Variants in PCDHGA8 observed in about 807,000 individuals in gnomAD.
The protein encoded by PCDHGA8 is protocadherin gamma-A8.
A neutral mutation model predicts 59.2 loss-of-function variants in PCDHGA8; 45 were observed. The observed-to-expected ratio is 0.76, with a 90% CI of 0.60 to 0.98. The LOEUF is 0.98. Ranked by LOEUF, PCDHGA8 falls within the 50% of genes least tolerant of loss-of-function variation. The pLI, the probability that PCDHGA8 is intolerant of heterozygous loss-of-function variation, is 0.00. For synonymous variants in PCDHGA8, 531 were observed against 519.0 expected (o/e 1.02, Z -0.32); for missense variants, 1,257 against 1,196.2 (o/e 1.05, Z -0.75).
Position 141,427,844 on chromosome 5 carries a change from C to A in PCDHGA8, c.2424+32607C>A, listed in dbSNP as rs997069058. 6.5e-6 allele frequency: 10 copies of A among 1,550,194 alleles called. No homozygotes were observed. In the East Asian group the frequency reaches 2.2e-4, roughly 35 times the overall value. On this transcript the variant is annotated intron_variant, in intron 1 of 3. Transcript: ENST00000398604. ...TGGTCGCGCAGCGTGCCTTCGACCA[C>A]GAGCAGCTGTGCGCCTTCGAGCTCA...
intron 1 of PCDHGA8, chr5:141,415,772 T>TTTA (rs1561760673): frequency 5.3e-6 from 7 of 1,332,980 alleles, no homozygotes; most frequent in Non-Finnish European, 6.7e-6. Flanking sequence ...TTTTTTTTTT[T>TTTA]ACTTTCTGGT....
In PCDHGA8 at chr5:141,493,668, GC is replaced by G. The variant is rs1178535601; in HGVS notation, c.2425-1135del. On this transcript the variant is annotated intron_variant, in intron 1 of 3. Coordinates refer to ENST00000398604, the MANE Select transcript of PCDHGA8 (RefSeq NM_032088.2). This position sits in a 1 kb window ranked among gnomAD's most constrained non-coding sequence, Gnocchi z 4.3. ...CATCCCTGTGCCCTTCTCCATGGCAGCCCCAGAATGGTGCTGGTGACTCCCG... is the reference window on the plus strand; with the variant it reads ...CATCCCTGTGCCCTTCTCCATGGCAGCCCAGAATGGTGCTGGTGACTCCCG... Among the ~76,000 whole-genome samples the G allele has an allele frequency of 6.6e-6, 1 of 152,140 alleles. No individual in the cohort carries two copies. The highest frequency in any genetic ancestry group is 2.4e-5 in the African/African-American group (1 of 41,422).
chr5:141,419,551 C>T lies in PCDHGA8; in HGVS notation c.2424+24314C>T, dbSNP rs772468979. Reference sequence around the variant, plus strand: ...ACGACAACGCACCGCGGGTGCTGTACCCTGCGCTGGGTCCCGACGGCTCCG... The same window carrying T: ...ACGACAACGCACCGCGGGTGCTGTATCCTGCGCTGGGTCCCGACGGCTCCG... On this transcript the variant is annotated intron_variant, in intron 1 of 3. Transcript: ENST00000398604. 7 of 1,611,916 alleles carry T rather than the reference C, an allele frequency of 4.3e-6. No individual in the cohort carries two copies. The Admixed American group carries it at 1.2e-4, about 27-fold the overall frequency.
In PCDHGA8 at chr5:141,511,351, C is replaced by A. The variant is rs1190324197; in HGVS notation, c.*178C>A. 11 of 1,386,432 alleles carry A rather than the reference C, an allele frequency of 7.9e-6. No individual in the cohort carries two copies. Among genetic ancestry groups the A allele is most frequent in the South Asian group, 4.5e-5 (3 of 67,158 alleles). The allele number at this position is 1,386,432 out of a possible 1,614,324, so 85.9% of individuals were successfully genotyped here. On this transcript the variant is annotated 3_prime_UTR_variant, in exon 4 of 4. Transcript: ENST00000398604. ...CCAGTCAGCACCTACCCCTTCCCCC[C>A]CAGGGGGTTGAATATGCAAAAGCAG...
At position 141,432,644 on chromosome 5, in the gene PCDHGA8, G is replaced by A; in HGVS notation, c.2424+37407G>A. The A allele has an allele frequency of 1.2e-6, 2 of 1,613,812 alleles. No homozygotes were observed. The highest frequency in any genetic ancestry group is 1.7e-6 in the Non-Finnish European group (2 of 1,179,942). ...TCTGCACACGGGCGAGGTGCGCACG[G>A]CGCGAGCCCTGCTGGACAGAGACGC... On this transcript the variant is annotated intron_variant, in intron 1 of 3. Coordinates refer to ENST00000398604, the MANE Select transcript of PCDHGA8 (RefSeq NM_032088.2). The surrounding 1 kb of genome is among the most constrained non-coding windows in gnomAD (Gnocchi z 6.0).
chr5:141,485,543 G>C lies in PCDHGA8; in HGVS notation c.2425-9264G>C. 1.9e-6 allele frequency: 3 copies of C among 1,614,092 alleles called. No homozygotes were observed. The highest frequency in any genetic ancestry group is 2.5e-6 in the Non-Finnish European group (3 of 1,179,972). On this transcript the variant is annotated intron_variant, in intron 1 of 3. Coordinates refer to ENST00000398604, the MANE Select transcript of PCDHGA8 (RefSeq NM_032088.2). This position sits in a 1 kb window ranked among gnomAD's most constrained non-coding sequence, Gnocchi z 5.7. Reference sequence around the variant, plus strand: ...AATGTACCGAGCAGAGGTAGAGATCGTAGATGTGAATGATCACGCCCCCCG... The same window carrying C: ...AATGTACCGAGCAGAGGTAGAGATCCTAGATGTGAATGATCACGCCCCCCG...
Position 141,511,225 on chromosome 5 carries a change from C to A in PCDHGA8, c.*52C>A. ...GGCGGCCTCTCCCCAACCAGCCCAG[C>A]TTCTCCTTACCTGCACCCAGGCCTC... On this transcript the variant is annotated 3_prime_UTR_variant, in exon 4 of 4. Transcript: ENST00000398604. The A allele has an allele frequency of 6.2e-7, 1 of 1,601,624 alleles. No individual in the cohort carries two copies. Among genetic ancestry groups the A allele is most frequent in the Non-Finnish European group, 8.5e-7 (1 of 1,174,162 alleles).
chr5:141,430,578 C>A (rs1561846151), intron 1 of PCDHGA8: 8 of 470,816 alleles, frequency 1.7e-5, no homozygotes, highest in East Asian at 1.0e-4. Flanking sequence ...AGCGGAGATC[C>A]TGCTCGCCTT....
chr5:141,395,559 T>TA (rs2093276349), intron 1 of PCDHGA8: 2 of 220,962 alleles, frequency 9.1e-6, no homozygotes, highest in Admixed American at 1.1e-4. Flanking sequence ...TGTGTGTGTG[T>TA]GTGTGTGTGT....
chr5:141,421,353 G>T, intron 1 of PCDHGA8: 1 of 1,613,998 alleles, frequency 6.2e-7, no homozygotes, highest in Non-Finnish European at 8.5e-7. Context: ...AGACCGAAAA[G>T]GGCTCCTTCG....
chr5:141,500,184 T>TTTTA (rs58019021), intron 2 of PCDHGA8, among the ~76,000 whole-genome samples: 28,743 of 135,782 alleles, frequency 0.21, 3,285 homozygotes, highest in African/African-American at 0.3. Context: ...TCATTTTTAT[T>TTTTA]TTTATTTATT....
intron 1 of PCDHGA8, among the ~76,000 whole-genome samples, chr5:141,443,560 G>A (rs2098394386): frequency 6.6e-6 from 1 of 152,162 alleles, no homozygotes; most frequent in Non-Finnish European, 1.5e-5. Context: ...CAATTCAAAT[G>A]CTTTAAATGG....
chr5:141,478,870 GT>G, intron 1 of PCDHGA8: 1 of 1,273,360 alleles, frequency 7.9e-7, no homozygotes, highest in Non-Finnish European at 1.0e-6. Context: ...AGCGATCAGA[GT>G]TTAGCTTGGT....
rs1048081343 is a variant in PCDHGA8 at position 141,432,618 on chromosome 5, G to C, written c.2424+37381G>C. 6.2e-7 allele frequency: 1 copy of C among 1,612,806 alleles called. No individual in the cohort carries two copies. Among genetic ancestry groups the C allele is most frequent in the South Asian group, 1.1e-5 (1 of 90,950 alleles). ...AGCGAGCCGGGACTCTTCTCGGTGG[G>C]TCTGCACACGGGCGAGGTGCGCACG... On this transcript the variant is annotated intron_variant, in intron 1 of 3. Transcript: ENST00000398604. The surrounding 1 kb of genome is among the most constrained non-coding windows in gnomAD (Gnocchi z 6.0).
chr5:141,395,538 TTGTTTG>T (rs1338769311), intron 1 of PCDHGA8: 4 of 225,774 alleles, frequency 1.8e-5, no homozygotes, highest in African/African-American at 1.7e-4. Flanking sequence ...AATTTTGCTA[TTGTTTG>T]TGTGTGTGTG....
At chr5:141,409,559 G>A (rs1421541308) in intron 1 of PCDHGA8, 1 of 1,613,936 alleles carries the variant, frequency 6.2e-7, no homozygotes, top group Admixed American at 1.7e-5. Context: ...CCCAGTTTTC[G>A]ACCAGACGTC....
intron 1 of PCDHGA8, among the ~76,000 whole-genome samples, chr5:141,472,400 G>A (rs2099279115): frequency 6.6e-6 from 1 of 152,024 alleles, no homozygotes; most frequent in East Asian, 1.9e-4. Flanking sequence ...AATTAGCCAG[G>A]CGTGGTGGCA....
intron 1 of PCDHGA8, among the ~76,000 whole-genome samples, chr5:141,437,415 G>A: frequency 6.6e-6 from 1 of 152,162 alleles, no homozygotes; most frequent in Non-Finnish European, 1.5e-5. Context: ...GAAGTATTAT[G>A]CTTTTTGAAG....
chr5:141,495,032 G>T, intron 2 of PCDHGA8, 167 bp downstream of exon 2: 1 of 967,732 alleles, frequency 1.0e-6, no homozygotes, highest in Non-Finnish European at 1.2e-6. Flanking sequence ...GACCCCGGAA[G>T]GAAGAGGCGA....
Sources: gnomAD v4.1 joint callset for allele counts (sites outside exome capture counted in the v4.1 genomes callset) on GRCh38, gnomAD v4.1.1 for gene constraint, Gnocchi (gnomAD v3.1) non-coding constraint, MANE v1.5 for transcripts, NCBI Gene and HGNC (gene_info 2026-07-23, HGNC 2026-07-21) for gene names.